Variants in SASH1 observed in about 807,000 individuals in gnomAD.
SASH1 encodes SAM and SH3 domain containing 1.
A neutral mutation model predicts 125.2 loss-of-function variants in SASH1; 44 were observed. The observed-to-expected ratio is 0.35, with a 90% CI of 0.28 to 0.45. The LOEUF is 0.45. Among genes scored for constraint, SASH1 ranks in the 20% least tolerant of loss-of-function variants. The pLI is 1.00. For missense variants in SASH1, 1,426 were observed against 1,614.5 expected (o/e 0.88, Z 2.00); for synonymous variants, 639 against 649.1 (o/e 0.98, Z 0.24).
chr6:148,298,004 TTA>T (rs200320710), intron 1 of SASH1, among the ~76,000 whole-genome samples: 25 of 150,504 alleles, frequency 1.7e-4, no homozygotes, highest in African/African-American at 4.1e-4. Flanking sequence ...TAATTGATTA[TTA>T]TATATATATT....
intron 1 of SASH1, among the ~76,000 whole-genome samples, chr6:148,323,085 C>T (rs1323978558): frequency 6.6e-6 from 1 of 151,766 alleles, no homozygotes; most frequent in Non-Finnish European, 1.5e-5. Flanking sequence ...CCTCAGCTCA[C>T]TGCAACCTCT....
intron 19 of SASH1, among the ~76,000 whole-genome samples, chr6:148,547,954 C>T (rs189203285): frequency 6.6e-6 from 1 of 152,336 alleles, no homozygotes; most frequent in East Asian, 1.9e-4. Context: ...CCAGATTTGT[C>T]CCTTCAGACT....
At chr6:148,393,670 G>T in intron 2 of SASH1, 1 of 983,086 alleles carries the variant, frequency 1.0e-6, no homozygotes, top group Non-Finnish European at 1.2e-6. Flanking sequence ...AACAGATGGG[G>T]CTAATTTGGC....
At chr6:148,455,528 G>A (rs771256739) in intron 4 of SASH1, among the ~76,000 whole-genome samples, 4 of 152,176 alleles carry the variant, frequency 2.6e-5, no homozygotes, top group Non-Finnish European at 4.4e-5. Context: ...TGAAATCAGC[G>A]AGTGGAGTGA....
intron 2 of SASH1, among the ~76,000 whole-genome samples, chr6:148,415,331 A>G (rs1784782462): frequency 6.6e-6 from 1 of 152,174 alleles, no homozygotes; most frequent in Non-Finnish European, 1.5e-5. Context: ...CCTTCCTATT[A>G]AATAGTAAGT....
At chr6:148,291,845 T>C (rs1342580888) in intron 1 of SASH1, among the ~76,000 whole-genome samples, 1 of 152,152 alleles carries the variant, frequency 6.6e-6, no homozygotes, top group African/African-American at 2.4e-5. Flanking sequence ...ATTCTTGTTG[T>C]TGCTGATTTC....
chr6:148,379,496 A>G (rs1783047588), intron 1 of SASH1, among the ~76,000 whole-genome samples: 1 of 152,146 alleles, frequency 6.6e-6, no homozygotes, highest in Admixed American at 6.6e-5. Context: ...TCACCATTAT[A>G]TATAAAAATG....
chr6:148,443,467 C>T (rs1165264435), intron 4 of SASH1, among the ~76,000 whole-genome samples: 2 of 144,902 alleles, frequency 1.4e-5, no homozygotes, highest in Admixed American at 7.0e-5. Flanking sequence ...ATATATAATA[C>T]ATATTATATA....
chr6:148,334,648 C>G, intron 1 of SASH1, among the ~76,000 whole-genome samples: 1 of 151,236 alleles, frequency 6.6e-6, no homozygotes, highest in South Asian at 2.1e-4. Flanking sequence ...CCCATCTCTA[C>G]TAAAAATACA....
intron 8 of SASH1, chr6:148,513,194 T>G: frequency 1.0e-6 from 1 of 985,474 alleles, no homozygotes; most frequent in Non-Finnish European, 1.2e-6. Context: ...ACATTAGATT[T>G]GTATTCAGAG....
At chr6:148,490,013 TA>T (rs57304766) in intron 8 of SASH1, among the ~76,000 whole-genome samples, 26,289 of 124,672 alleles carry the variant, frequency 0.21, 3,285 homozygotes, top group African/African-American at 0.38. Flanking sequence ...ATCCTGTCTT[TA>T]AAAAAAAAAA....
chr6:148,210,056 A>G, the SASH1 span, among the ~76,000 whole-genome samples: 1 of 152,234 alleles, frequency 6.6e-6, no homozygotes, highest in Admixed American at 6.5e-5. Flanking sequence ...ACATATTGAA[A>G]TTATGAAACA....
chr6:148,338,007 T>C (rs73597380), upstream of SASH1, among the ~76,000 whole-genome samples: 1,551 of 124,178 alleles, frequency 0.012, 33 homozygotes, highest in African/African-American at 0.039. Flanking sequence ...TTCCTGATGG[T>C]AAGAGAAAAA....
chr6:148,412,387 T>C (rs1443613459), intron 2 of SASH1, among the ~76,000 whole-genome samples: 3 of 152,198 alleles, frequency 2.0e-5, no homozygotes, highest in Non-Finnish European at 4.4e-5. Flanking sequence ...TAGTTACACC[T>C]ACAGCATCCA....
chr6:148,233,346 A>C, the SASH1 span, among the ~76,000 whole-genome samples: 1 of 152,078 alleles, frequency 6.6e-6, no homozygotes, highest in East Asian at 1.9e-4. Flanking sequence ...TTGCCCTCTC[A>C]TCTGCCAGAG....
chr6:148,459,681 A>G (rs986683913), intron 4 of SASH1, among the ~76,000 whole-genome samples: 4 of 152,158 alleles, frequency 2.6e-5, no homozygotes, highest in African/African-American at 4.8e-5. Flanking sequence ...GACTTGGTTC[A>G]TAGGTAGGGT....
the SASH1 span, among the ~76,000 whole-genome samples, chr6:148,217,411 G>A: frequency 6.6e-6 from 1 of 152,212 alleles, no homozygotes; most frequent in South Asian, 2.1e-4. Context: ...CCCAGTGGCA[G>A]TTATTGAAGC....
intron 1 of SASH1, among the ~76,000 whole-genome samples, chr6:148,374,708 G>GT (rs1228476607): frequency 4.6e-5 from 3 of 64,542 alleles, no homozygotes; most frequent in East Asian, 3.5e-4. Context: ...TTTTTTTGGG[G>GT]GGGGGGGAGA....
chr6:148,544,474 C>T lies in SASH1; in HGVS notation c.3004C>T (p.Pro1002Ser), dbSNP rs886268988. Residue 1002 changes from proline (P) to serine (S), a missense_variant, in exon 18 of 20, where the codon CCT becomes TCT. Coordinates refer to ENST00000367467, the MANE Select transcript of SASH1 (RefSeq NM_015278.5). This position sits in a 1 kb window ranked among gnomAD's most constrained non-coding sequence, Gnocchi z 6.4. ...AGAACGCCTTGCTAACGGACTCCAC[C>T]CTGTTCCCATGGGCCCCAGTGGGGC... ...SRERLANGLH[P>S]VPMGPSGALP... 8.7e-6 allele frequency: 14 copies of T among 1,614,132 alleles called. No individual in the cohort carries two copies. The highest frequency in any genetic ancestry group is 1.2e-5 in the Non-Finnish European group (14 of 1,180,034).
Sources: allele counts gnomAD v4.1 joint callset (sites outside exome capture counted in the v4.1 genomes callset), GRCh38; gene constraint gnomAD v4.1.1; non-coding constraint Gnocchi (gnomAD v3.1); transcripts MANE v1.5; gene names NCBI Gene and HGNC (gene_info 2026-07-23, HGNC 2026-07-21).